LTBP3: variants seen among roughly 807,000 people sequenced by gnomAD.
LTBP3 encodes the protein latent-transforming growth factor beta-binding protein 3.
Under a neutral mutation model 159.7 loss-of-function variants are expected in LTBP3, and 97 were observed. The ratio of observed to expected loss-of-function variants is 0.61; its 90% CI spans 0.52 to 0.72. The LOEUF (loss-of-function observed/expected upper bound fraction) is 0.72. Ranked by LOEUF, LTBP3 falls within the 30% of genes least tolerant of loss-of-function variation. The pLI is 0.00. For missense variants in LTBP3, 1,584 were observed against 1,864.3 expected (o/e 0.85, Z 2.77); for synonymous variants, 824 against 777.1 (o/e 1.06, Z -1.00).
At position 65,553,956 on chromosome 11, in the gene LTBP3, C is replaced by T. The variant is rs1031376096; in HGVS notation, c.662-53G>A. 2.6e-6 allele frequency: 4 copies of T among 1,537,966 alleles called. No individual in the cohort carries two copies. Among genetic ancestry groups the T allele is most frequent in the Admixed American group, 1.8e-5 (1 of 54,840 alleles). On this transcript the variant is annotated intron_variant, in intron 2 of 27. Coordinates refer to ENST00000301873, the MANE Select transcript of LTBP3 (RefSeq NM_001130144.3). This position sits in a 1 kb window ranked among gnomAD's most constrained non-coding sequence, Gnocchi z 6.5. Reference sequence around the variant, plus strand: ...CTGCCCGCACCGCGCCGCGGGTCACCGCGCTGAGCTCCTCCAGGGCTGAAC... The same window carrying T: ...CTGCCCGCACCGCGCCGCGGGTCACTGCGCTGAGCTCCTCCAGGGCTGAAC...
chr11:65,543,191 A>G lies in LTBP3; in HGVS notation c.2510T>C (p.Ile837Thr), dbSNP rs570630736. The G allele has an allele frequency of 1.2e-4, 195 of 1,614,118 alleles. No homozygotes were observed. The East Asian group carries it at 1.6e-3, about 13-fold the overall frequency. Residue 837 changes from isoleucine (I) to threonine (T), a missense_variant, in exon 18 of 28, where the codon ATT becomes ACT. Transcript: ENST00000301873. Reference protein sequence around the residue: ...IDECDFPAACIGGDCINTNGS... With the variant: ...IDECDFPAACTGGDCINTNGS... ...ATTGGTATTGATGCAGTCACCCCCA[A>G]TGCAGGCTGCAGGGAAGTCACACTC...
chr11:65,553,543 G>A lies in LTBP3; in HGVS notation c.865-13C>T. ...GGTTGCTGCCACACTAGGGGAAGGA[G>A]GGGGAGGTGGGGTCACAGAGCACCC... On this transcript the variant is annotated splice_polypyrimidine_tract_variant and intron_variant, in intron 3 of 27. Transcript: ENST00000301873. This position sits in a 1 kb window ranked among gnomAD's most constrained non-coding sequence, Gnocchi z 6.5. 1 of 1,537,946 alleles carries A rather than the reference G, an allele frequency of 6.5e-7. No individual in the cohort carries two copies. Among genetic ancestry groups the A allele is most frequent in the Non-Finnish European group, 9.0e-7 (1 of 1,113,698 alleles).
chr11:65,543,311 G>A, intron 17 of LTBP3, 87 bp from the exon 18 acceptor site: 1 of 1,612,030 alleles, frequency 6.2e-7, no homozygotes, highest in Non-Finnish European at 8.5e-7. Context: ...CAGAGCCCTG[G>A]GTCAGTCCCA....
chr11:65,550,015 T>A (rs1327873024), intron 11 of LTBP3, among the ~76,000 whole-genome samples: 1 of 148,218 alleles, frequency 6.7e-6, no homozygotes, highest in Non-Finnish European at 1.5e-5. Flanking sequence ...CTAGGGATAT[T>A]GCATGAACAA....
At chr11:65,550,938 T>C (rs1444634776) in intron 11 of LTBP3, among the ~76,000 whole-genome samples, 188 bp downstream of exon 11, 2 of 152,270 alleles carry the variant, frequency 1.3e-5, no homozygotes, top group African/African-American at 4.8e-5. Flanking sequence ...CAGAATGGGC[T>C]AACCACCATG....
Position 65,547,053 on chromosome 11 carries a change from A to C in LTBP3, c.2108-133T>G. 1 of 1,326,342 alleles carries C rather than the reference A, an allele frequency of 7.5e-7. No individual in the cohort carries two copies. Among genetic ancestry groups the C allele is most frequent in the African/African-American group, 1.5e-5 (1 of 68,624 alleles). The allele number at this position is 1,326,342 out of a possible 1,614,324, so 82.2% of individuals were successfully genotyped here. On this transcript the variant is annotated intron_variant, in intron 14 of 27. Coordinates refer to ENST00000301873, the MANE Select transcript of LTBP3 (RefSeq NM_001130144.3). This position sits in a 1 kb window ranked among gnomAD's most constrained non-coding sequence, Gnocchi z 4.6. The stretch of plus-strand genomic sequence containing the variant: ...GGACCCCAACCTCTGAGAGGCCCAG[A>C]GCCGAGCATACAGGCCGGGTGCGGT...
rs1360945530 is a variant in LTBP3 at position 65,552,419 on chromosome 11, GT to G, written c.1187-14del. On this transcript the variant is annotated splice_polypyrimidine_tract_variant and intron_variant, in intron 6 of 27. Transcript: ENST00000301873. The surrounding 1 kb of genome is among the most constrained non-coding windows in gnomAD (Gnocchi z 6.0). ...TCCGGTTTGTCTGCTGCAGGGGCCAGTGGGGGGCATGGGCATCTGAGCCTGC... is the reference window on the plus strand; with the variant it reads ...TCCGGTTTGTCTGCTGCAGGGGCCAGGGGGGGCATGGGCATCTGAGCCTGC... 1.2e-6 allele frequency: 2 copies of G among 1,611,798 alleles called. No homozygotes were observed. Among genetic ancestry groups the G allele is most frequent in the African/African-American group, 1.3e-5 (1 of 74,898 alleles).
rs376361720 is a variant in LTBP3 at position 65,539,536 on chromosome 11, G to C, written c.3628+12C>G. The C allele has an allele frequency of 6.2e-7, 1 of 1,611,402 alleles. No individual in the cohort carries two copies. ...TACCAACCCCGCCACCGCCCGACCC[G>C]GCAGCACTCACCTCTTGGGGGCTTC... On this transcript the variant is annotated intron_variant, in intron 26 of 27. Transcript: ENST00000301873.
At position 65,552,544 on chromosome 11, in the gene LTBP3, G is replaced by A. The variant is rs1362111451; in HGVS notation, c.1187-138C>T. 9.2e-7 allele frequency: 1 copy of A among 1,084,836 alleles called. No individual in the cohort carries two copies. The highest frequency in any genetic ancestry group is 1.3e-6 in the Non-Finnish European group (1 of 749,918). 67.2% of individuals were successfully genotyped at this position (1,084,836 alleles called of 1,614,324 possible). On this transcript the variant is annotated intron_variant, in intron 6 of 27. Transcript: ENST00000301873. The surrounding 1 kb of genome is among the most constrained non-coding windows in gnomAD (Gnocchi z 6.0). ...GTGGTCTCTGACCCCATATGACCCT[G>A]AACTCATGTGACCCCTGAAACTTAT...
At chr11:65,539,951 T>A (rs938686900) in intron 24 of LTBP3, 62 bp downstream of exon 24, 3 of 1,459,828 alleles carry the variant, frequency 2.1e-6, no homozygotes, top group Non-Finnish European at 2.7e-6. Flanking sequence ...CCACCCCACC[T>A]GCGCGGGGGC....
rs1856065065 is a variant in LTBP3 at position 65,540,574 on chromosome 11, C to T, written c.3018G>A (p.Lys1006=). The change falls in exon 22 of 28, where the codon AAG becomes AAA. Residue 1006 remains lysine, a synonymous_variant. Coordinates refer to ENST00000301873, the MANE Select transcript of LTBP3 (RefSeq NM_001130144.3). ...ECMLFGSEIC[K]EGKCVNTQPG... ...GCTGCGTGTTCACGCACTTGCCCTC[C>T]TTGCAAATCTCCGACCCGAACAACA... The T allele has an allele frequency of 1.9e-6, 3 of 1,613,884 alleles. No homozygotes were observed. The highest frequency in any genetic ancestry group is 2.2e-5 in the East Asian group (1 of 44,878).
chr11:65,549,096 G>A (rs1320429906), intron 11 of LTBP3, among the ~76,000 whole-genome samples: 1 of 152,228 alleles, frequency 6.6e-6, no homozygotes, highest in East Asian at 1.9e-4. Flanking sequence ...CAGAGTATGA[G>A]AAGGTTAAAT....
In LTBP3 at chr11:65,554,470, T is replaced by G; in HGVS notation, c.332-90A>C. On this transcript the variant is annotated intron_variant, in intron 1 of 27. Coordinates refer to ENST00000301873, the MANE Select transcript of LTBP3 (RefSeq NM_001130144.3). This position sits in a 1 kb window ranked among gnomAD's most constrained non-coding sequence, Gnocchi z 5.3. ...CTTGCCACCCACTGGCTCTGTCCTC[T>G]TGGGAAGCCAGGTTTTGAGATACAT... The G allele has an allele frequency of 9.2e-7, 1 of 1,089,734 alleles. No individual in the cohort carries two copies. Among genetic ancestry groups the G allele is most frequent in the Non-Finnish European group, 1.3e-6 (1 of 758,056 alleles). The allele number at this position is 1,089,734 out of a possible 1,614,324, so 67.5% of individuals were successfully genotyped here. A position where few individuals can be genotyped will look rare whatever the true frequency, so the allele number is the denominator to read the frequency against.
At chr11:65,541,007 G>T in intron 20 of LTBP3, 53 bp from the exon 21 acceptor site, 1 of 1,590,692 alleles carries the variant, frequency 6.3e-7, no homozygotes, top group Non-Finnish European at 8.6e-7. Context: ...GAGCGCGCGC[G>T]TGGGCTTAGG....
In LTBP3 at chr11:65,551,394, C is replaced by T. The variant is rs1376270612; in HGVS notation, c.1621+8G>A. On this transcript the variant is annotated splice_region_variant and intron_variant, in intron 10 of 27. Transcript: ENST00000301873. The stretch of plus-strand genomic sequence containing the variant: ...CTTGAGGACTCATCCCTACAGTGCC[C>T]AGCTCACCGGGGTAGGGCCGGGCAG... 6.2e-7 allele frequency: 1 copy of T among 1,612,470 alleles called. No homozygotes were observed. The highest frequency in any genetic ancestry group is 1.1e-5 in the South Asian group (1 of 91,050).
In LTBP3 at chr11:65,553,504, G is replaced by C; in HGVS notation, c.891C>G (p.Leu297=). The C allele has an allele frequency of 6.2e-7, 1 of 1,611,936 alleles. No homozygotes were observed. Among genetic ancestry groups the C allele is most frequent in the Non-Finnish European group, 8.5e-7 (1 of 1,179,582 alleles). The stretch of plus-strand genomic sequence containing the variant: ...TACCGCAGCAGTCTTCCTGCTTGGT[G>C]AGGCCGGGGAGGGGGTTGCTGCCAC... The part of the protein sequence containing the change: ...QPCGSNPLPG[L]TKQEDCCGSI... Residue 297 remains leucine, a synonymous_variant, in exon 4 of 28, where the codon CTC becomes CTG. Coordinates refer to ENST00000301873, the MANE Select transcript of LTBP3 (RefSeq NM_001130144.3). This position sits in a 1 kb window ranked among gnomAD's most constrained non-coding sequence, Gnocchi z 6.5.
At chr11:65,540,213 C>A in intron 23 of LTBP3, 32 bp downstream of exon 23, 1 of 1,546,372 alleles carries the variant, frequency 6.5e-7, no homozygotes, top group Non-Finnish European at 8.7e-7. Context: ...CCCGCCCCTC[C>A]CGCGTACCCC....
Position 65,540,622 on chromosome 11 carries a change from G to T in LTBP3, c.2978-8C>A. 6.2e-7 allele frequency: 1 copy of T among 1,610,784 alleles called. No individual in the cohort carries two copies. Among genetic ancestry groups the T allele is most frequent in the East Asian group, 2.2e-5 (1 of 44,558 alleles). On this transcript the variant is annotated splice_polypyrimidine_tract_variant and splice_region_variant and intron_variant, in intron 21 of 27. Transcript: ENST00000301873. The stretch of plus-strand genomic sequence containing the variant: ...ACATGCACTCGTCGATGTCTGCGGG[G>T]TGACAAACACTGGCCGCTCCGGTCC...
chr11:65,540,805 C>T (rs1193814077), intron 21 of LTBP3, 66 bp downstream of exon 21: 6 of 1,520,002 alleles, frequency 3.9e-6, no homozygotes, highest in South Asian at 3.6e-5. Flanking sequence ...CGAGTCCCGG[C>T]GGGATCCGGG....
Sources: gnomAD v4.1 joint callset for allele counts (sites outside exome capture counted in the v4.1 genomes callset) on GRCh38, gnomAD v4.1.1 for gene constraint, Gnocchi (gnomAD v3.1) non-coding constraint, MANE v1.5 for transcripts, NCBI Gene and HGNC (gene_info 2026-07-23, HGNC 2026-07-21) for gene names.